GPN3: variants seen among roughly 807,000 people sequenced by gnomAD.
GPN3 encodes ATP-binding domain 1 family member C.
Under a neutral mutation model 38.7 loss-of-function variants are expected in GPN3, and 31 were observed. The observed-to-expected ratio is 0.80, with a 90% confidence interval of 0.60 to 1.08. GPN3 has a LOEUF of 1.08. GPN3 is among the 50% of genes least tolerant of loss of function. The pLI, the probability that GPN3 is intolerant of heterozygous loss-of-function variation, is 0.00. For synonymous variants in GPN3, 116 were observed against 120.2 expected (o/e 0.96, Z 0.23); for missense variants, 301 against 354.4 (o/e 0.85, Z 1.21).
At chr12:110,460,735 G>A (rs2062580688) in intron 2 of GPN3, among the ~76,000 whole-genome samples, 1 of 152,188 alleles carries the variant, frequency 6.6e-6, no homozygotes, top group African/African-American at 2.4e-5. Flanking sequence ...GGGAGGCCGA[G>A]GTGGGGGGAT....
chr12:110,458,731 G>C lies in GPN3; in HGVS notation c.325+964C>G, dbSNP rs2062566741. Among the ~76,000 whole-genome samples the C allele has an allele frequency of 6.6e-6, 1 of 151,438 alleles. No homozygotes were observed. The highest frequency in any genetic ancestry group is 2.4e-5 in the African/African-American group (1 of 41,174). On this transcript the variant is annotated intron_variant, in intron 3 of 7. Transcript: ENST00000228827. This position sits in a 1 kb window ranked among gnomAD's most constrained non-coding sequence, Gnocchi z 4.4. ...GGAAGTGGAGACTGGAGTGAGCCGA[G>C]ATGGCGCCATCATACTCCAGCCTGG...
chr12:110,459,004 A>C (rs1182064386), intron 3 of GPN3, among the ~76,000 whole-genome samples: 1 of 152,086 alleles, frequency 6.6e-6, no homozygotes, highest in Non-Finnish European at 1.5e-5. Flanking sequence ...CCTCCAGCCC[A>C]GCTGAAAGGC....
chr12:110,464,591 C>CTT (rs890127843), intron 2 of GPN3, among the ~76,000 whole-genome samples: 40 of 134,364 alleles, frequency 3.0e-4, no homozygotes, highest in African/African-American at 8.7e-4. Context: ...TGTCCATTTA[C>CTT]TTTTTTTTTT....
At chr12:110,468,263 C>A, upstream of GPN3, 1 of 1,602,954 alleles carries the variant, frequency 6.2e-7, no homozygotes, top group Non-Finnish European at 8.5e-7. Context: ...CCACTGAGCT[C>A]CGGGAAAGTG....
At chr12:110,468,603 T>A, upstream of GPN3, 1 of 1,537,256 alleles carries the variant, frequency 6.5e-7, no homozygotes, top group Non-Finnish European at 8.7e-7. Context: ...TCTGGAATAC[T>A]GAAGTGGAAG....
chr12:110,453,673 T>C lies in GPN3; in HGVS notation c.792+70A>G, dbSNP rs1055650424. The C allele has an allele frequency of 7.3e-6, 9 of 1,236,452 alleles. No individual in the cohort carries two copies. In the East Asian group the frequency reaches 1.4e-4, roughly 19 times the overall value. The allele number at this position is 1,236,452 out of a possible 1,614,324, so 76.6% of individuals were successfully genotyped here. ...CTAATTTAAGGAGTCGCCTGGATTA[T>C]GCAAGAGTCCAGTGAGTGCTGGCAA... is the stretch of plus-strand genomic sequence containing the variant. On this transcript the variant is annotated intron_variant, in intron 7 of 7. Coordinates refer to ENST00000228827, the MANE Select transcript of GPN3 (RefSeq NM_016301.4).
intron 2 of GPN3, among the ~76,000 whole-genome samples, chr12:110,462,319 T>C (rs2062595089): frequency 1.3e-5 from 2 of 152,128 alleles, no homozygotes; most frequent in Non-Finnish European, 2.9e-5. Flanking sequence ...AAGTTTCCCT[T>C]TGCACTTAGT....
chr12:110,460,841 G>A, intron 2 of GPN3: 1 of 594,350 alleles, frequency 1.7e-6, no homozygotes, highest in Non-Finnish European at 3.0e-6. Context: ...GCGCACGCCT[G>A]TAGTTCTAGC....
intron 6 of GPN3, among the ~76,000 whole-genome samples, chr12:110,454,442 C>T (rs1356013799): frequency 6.6e-6 from 1 of 151,006 alleles, no homozygotes; most frequent in Non-Finnish European, 1.5e-5. Context: ...CAACCTCCAC[C>T]TCCAGGTTCA....
chr12:110,452,933 TC>T lies in GPN3; in HGVS notation c.*100del, dbSNP rs1460981848. 4.1e-6 allele frequency: 3 copies of T among 730,224 alleles called. No homozygotes were observed. 45.2% of individuals were successfully genotyped at this position (730,224 alleles called of 1,614,324 possible). A position where few individuals can be genotyped will look rare whatever the true frequency, so the allele number is the denominator to read the frequency against. ...ATAAAGAACGAAGTTTTACTTTTTT[TC>T]ATTAAAATAAGTAGCTTTCTACTAT... On this transcript the variant is annotated 3_prime_UTR_variant, in exon 8 of 8. Transcript: ENST00000228827.
chr12:110,468,233 C>T lies in GPN3; in HGVS notation c.-30G>A, dbSNP rs370915241. 5.8e-5 allele frequency: 94 copies of T among 1,607,288 alleles called. No homozygotes were observed. In the South Asian group the frequency reaches 6.6e-4, roughly 11 times the overall value. On this transcript the variant is annotated 5_prime_UTR_variant, in exon 1 of 8. Coordinates refer to ENST00000228827, the MANE Select transcript of GPN3 (RefSeq NM_016301.4). ...GCTCCCGGAGCCGCCCGCCACACTC[C>T]CTTAGCCTTCGCGCGACGCCCACTG...
At chr12:110,468,530 G>C, upstream of GPN3, 1 of 1,537,298 alleles carries the variant, frequency 6.5e-7, no homozygotes, top group Non-Finnish European at 8.7e-7. Flanking sequence ...GCTTCGGTCC[G>C]TGGTTTGCGT....
chr12:110,454,430 C>T lies in GPN3; in HGVS notation c.664-559G>A, dbSNP rs1216672808. On this transcript the variant is annotated intron_variant, in intron 6 of 7. Coordinates refer to ENST00000228827, the MANE Select transcript of GPN3 (RefSeq NM_016301.4). Reference sequence around the variant, plus strand: ...GGGAGACAGAGTTTCGCTCTTGTTGCTCAACCTCCACCTCCAGGTTCAAGC... The same window carrying T: ...GGGAGACAGAGTTTCGCTCTTGTTGTTCAACCTCCACCTCCAGGTTCAAGC... Among the ~76,000 whole-genome samples, 3 of 145,630 alleles carry T rather than the reference C, an allele frequency of 2.1e-5. No homozygotes were observed. In the Admixed American group the frequency reaches 2.1e-4, roughly 10 times the overall value.
At chr12:110,457,761 C>T in intron 3 of GPN3, 127 bp from the exon 4 acceptor site, 1 of 540,300 alleles carries the variant, frequency 1.9e-6, no homozygotes, top group Non-Finnish European at 3.2e-6. Context: ...GGGCCCACAG[C>T]CTCTCAAAGC....
In GPN3 at chr12:110,452,776, T is replaced by C. The variant is rs2062521235; in HGVS notation, c.*258A>G. On this transcript the variant is annotated 3_prime_UTR_variant, in exon 8 of 8. Coordinates refer to ENST00000228827, the MANE Select transcript of GPN3 (RefSeq NM_016301.4). ...ACCTTAGCTCAGGTGCTAATTTATA[T>C]ATAAATCTATGTGCATTCATTTCAA... 7.7e-6 allele frequency: 3 copies of C among 387,432 alleles called. No individual in the cohort carries two copies. Among genetic ancestry groups the C allele is most frequent in the Non-Finnish European group, 1.4e-5 (3 of 208,864 alleles). The allele number at this position is 387,432 out of a possible 1,614,324, so 24.0% of individuals were successfully genotyped here. A position where few individuals can be genotyped will look rare whatever the true frequency, so the allele number is the denominator to read the frequency against.
At chr12:110,461,050 A>G (rs1008690323) in intron 2 of GPN3, 20 of 1,588,962 alleles carry the variant, frequency 1.3e-5, no homozygotes, top group Non-Finnish European at 2.6e-6. Flanking sequence ...ACGAAGTGGT[A>G]ACCCGAGAAT....
intron 4 of GPN3, among the ~76,000 whole-genome samples, chr12:110,456,179 A>C (rs745735209): frequency 2.6e-5 from 4 of 152,058 alleles, no homozygotes; most frequent in African/African-American, 4.8e-5. Context: ...AAAATACAAA[A>C]TTAGCCAGGC....
intron 2 of GPN3, chr12:110,464,720 G>C (rs2062614595): frequency 5.1e-6 from 1 of 197,092 alleles, no homozygotes; most frequent in African/African-American, 2.3e-5. Context: ...AGCCTCCTGA[G>C]TAGCTGGGAT....
upstream of GPN3, chr12:110,468,493 A>G (rs1214582145): frequency 3.9e-6 from 6 of 1,537,232 alleles, no homozygotes; most frequent in Admixed American, 3.9e-5. Context: ...CGGACAACAG[A>G]TAAAGCTCCG....
Sources: gnomAD v4.1 joint callset for allele counts (sites outside exome capture counted in the v4.1 genomes callset) on GRCh38, gnomAD v4.1.1 for gene constraint, Gnocchi (gnomAD v3.1) non-coding constraint, MANE v1.5 for transcripts, NCBI Gene and HGNC (gene_info 2026-07-23, HGNC 2026-07-21) for gene names.